The following SPAG16 variants were observed in gnomAD, a reference collection of about 807,000 sequenced individuals.
SPAG16 encodes the protein sperm-associated antigen 16 protein.
A neutral mutation model predicts 80.4 loss-of-function variants in SPAG16; 86 were observed. That is an observed-to-expected ratio of 1.07 (90% confidence interval 0.90 to 1.28). The LOEUF (loss-of-function observed/expected upper bound fraction) is 1.28. Among genes scored for constraint, SPAG16 ranks in the 50% most tolerant of loss-of-function variants. The probability of loss-of-function intolerance (pLI) is 0.00; values close to 1 mark genes in which losing one functional copy is unlikely to be tolerated. For synonymous variants in SPAG16, 294 were observed against 265.9 expected (o/e 1.11, Z -1.03); for missense variants, 870 against 765.3 (o/e 1.14, Z -1.61).
At chr2:213,755,481 A>G (rs1281704657) in intron 10 of SPAG16, among the ~76,000 whole-genome samples, 1 of 152,200 alleles carries the variant, frequency 6.6e-6, no homozygotes, top group Non-Finnish European at 1.5e-5. Context: ...AAAAAAGTAA[A>G]CATCTCAAAC....
In SPAG16 at chr2:213,607,350, T is replaced by G. The variant is rs1319995285; in HGVS notation, c.1070+117260T>G. Among the ~76,000 whole-genome samples, 3 of 152,222 alleles carry G rather than the reference T, an allele frequency of 2.0e-5. 1 individual carries two copies. The South Asian group carries it at 6.2e-4, about 31-fold the overall frequency. On this transcript the variant is annotated intron_variant, in intron 10 of 15. Transcript: ENST00000331683. Reference sequence around the variant, plus strand: ...GCACCTTTCTTAAAAAAAGAAGTCTTGATCCATATTTTCTCAGTGCCTAAG... The same window carrying G: ...GCACCTTTCTTAAAAAAAGAAGTCTGGATCCATATTTTCTCAGTGCCTAAG...
chr2:213,573,851 A>G (rs147937421), intron 10 of SPAG16, among the ~76,000 whole-genome samples: 120 of 152,332 alleles, frequency 7.9e-4, no homozygotes, highest in African/African-American at 2.8e-3. Flanking sequence ...ATATTTATGA[A>G]ATACATAAAG....
chr2:213,578,764 A>G (rs1286870123), intron 10 of SPAG16, among the ~76,000 whole-genome samples: 2 of 152,032 alleles, frequency 1.3e-5, no homozygotes, highest in Non-Finnish European at 2.9e-5. Context: ...TTTTCTGCTT[A>G]TATTGTTGTA....
chr2:214,064,542 G>A (rs986413644), intron 13 of SPAG16, among the ~76,000 whole-genome samples: 1 of 151,982 alleles, frequency 6.6e-6, no homozygotes, highest in East Asian at 1.9e-4. Flanking sequence ...AGGGCTATCT[G>A]CGTTTCATCA....
At chr2:214,254,699 G>A (rs944102302) in intron 15 of SPAG16, among the ~76,000 whole-genome samples, 3 of 151,916 alleles carry the variant, frequency 2.0e-5, no homozygotes, top group East Asian at 1.9e-4. Context: ...TTGAGAAAAC[G>A]ATGTAAAACT....
At chr2:213,366,901 T>A (rs1242314853) in intron 8 of SPAG16, among the ~76,000 whole-genome samples, 1 of 152,188 alleles carries the variant, frequency 6.6e-6, no homozygotes, top group Non-Finnish European at 1.5e-5. Flanking sequence ...ACTCATCATT[T>A]ACATTAGATA....
intron 10 of SPAG16, among the ~76,000 whole-genome samples, chr2:213,704,316 C>T (rs190166348): frequency 6.6e-6 from 1 of 152,238 alleles, no homozygotes; most frequent in Non-Finnish European, 1.5e-5. Flanking sequence ...ATTAAGTGTT[C>T]ACTTTATGTC....
At chr2:214,065,704 C>T (rs1464385941) in intron 13 of SPAG16, among the ~76,000 whole-genome samples, 1 of 152,038 alleles carries the variant, frequency 6.6e-6, no homozygotes, top group South Asian at 2.1e-4. Flanking sequence ...TTTATTTCCT[C>T]TGTTAATTTT....
In SPAG16 at chr2:213,393,550, T is replaced by C. The variant is rs531178003; in HGVS notation, c.942+18431T>C. Reference sequence around the variant, plus strand: ...TTTGTATTATTGTTACAATGTTCAGTTGGTTTCCAATGTCTTGGAAATAAA... The same window carrying C: ...TTTGTATTATTGTTACAATGTTCAGCTGGTTTCCAATGTCTTGGAAATAAA... On this transcript the variant is annotated intron_variant, in intron 9 of 15. Coordinates refer to ENST00000331683, the MANE Select transcript of SPAG16 (RefSeq NM_024532.5). Among the ~76,000 whole-genome samples, 15 of 152,234 alleles carry C rather than the reference T, an allele frequency of 9.9e-5. No homozygotes were observed. In the South Asian group the frequency reaches 2.9e-3, roughly 29 times the overall value.
At chr2:213,904,774 G>A (rs557593677) in intron 11 of SPAG16, among the ~76,000 whole-genome samples, 1 of 152,230 alleles carries the variant, frequency 6.6e-6, no homozygotes, top group East Asian at 1.9e-4. Context: ...AAGATAGCAA[G>A]AGCAAGTCCT....
intron 15 of SPAG16, among the ~76,000 whole-genome samples, chr2:214,404,344 G>A (rs534872154): frequency 4.3e-4 from 65 of 152,248 alleles, no homozygotes; most frequent in African/African-American, 1.5e-3. Context: ...CTTCAGCTCA[G>A]CTGTTTTATT....
intron 12 of SPAG16, among the ~76,000 whole-genome samples, chr2:213,971,664 A>T (rs992672939): frequency 3.9e-4 from 60 of 152,316 alleles, no homozygotes; most frequent in African/African-American, 1.4e-3. Flanking sequence ...TTACCATATG[A>T]TCCAGCAACT....
At chr2:214,133,991 T>TA (rs2054917327) in intron 14 of SPAG16, among the ~76,000 whole-genome samples, 1 of 152,128 alleles carries the variant, frequency 6.6e-6, no homozygotes, top group South Asian at 2.1e-4. Flanking sequence ...TAGTTGGAAA[T>TA]AAAGACCTGG....
chr2:213,490,241 G>C (rs942157092), intron 10 of SPAG16, 151 bp downstream of exon 10: 3 of 697,832 alleles, frequency 4.3e-6, no homozygotes, highest in Non-Finnish European at 4.5e-6. Context: ...TATAGTAGCT[G>C]TAAGAATCTT....
chr2:214,063,122 T>A (rs2050361247), intron 13 of SPAG16, among the ~76,000 whole-genome samples: 1 of 152,176 alleles, frequency 6.6e-6, no homozygotes, highest in African/African-American at 2.4e-5. Flanking sequence ...AAATCAGAAA[T>A]GTATGTTATA....
chr2:214,106,281 T>G (rs1364240404), intron 13 of SPAG16, among the ~76,000 whole-genome samples: 1 of 152,198 alleles, frequency 6.6e-6, no homozygotes, highest in African/African-American at 2.4e-5. Flanking sequence ...TGACATCTTA[T>G]GCTTTGCCTT....
intron 5 of SPAG16, among the ~76,000 whole-genome samples, chr2:213,328,449 T>G (rs2063935609): frequency 6.6e-6 from 1 of 152,176 alleles, no homozygotes; most frequent in South Asian, 2.1e-4. Flanking sequence ...AGAATTCAAG[T>G]GAGGTTCTTG....
intron 15 of SPAG16, among the ~76,000 whole-genome samples, chr2:214,354,302 T>C (rs1179643685): frequency 6.6e-6 from 1 of 152,130 alleles, no homozygotes; most frequent in African/African-American, 2.4e-5. Flanking sequence ...AAAGATCAGA[T>C]AGTTGTAGGT....
intron 10 of SPAG16, among the ~76,000 whole-genome samples, chr2:213,507,135 A>C (rs2074999961): frequency 6.6e-6 from 1 of 152,188 alleles, no homozygotes; most frequent in Non-Finnish European, 1.5e-5. Context: ...CTTACCCTAA[A>C]GGTGGGGATA....
Sources: gnomAD v4.1 joint callset for allele counts (sites outside exome capture counted in the v4.1 genomes callset) on GRCh38, gnomAD v4.1.1 for gene constraint, MANE v1.5 for transcripts, NCBI Gene and HGNC (gene_info 2026-07-23, HGNC 2026-07-21) for gene names.